Variants in GBP1 observed in about 807,000 individuals in gnomAD.
The protein encoded by GBP1 is guanylate binding protein 1, also known as guanylate-binding protein 1.
GBP1 carries 64 observed loss-of-function variants against 69.5 expected under a neutral mutation model. The observed-to-expected ratio is 0.92, with a 90% CI of 0.75 to 1.13. GBP1 has a LOEUF of 1.13. Among genes scored for constraint, GBP1 ranks in the 50% most tolerant of loss-of-function variants. The pLI is 0.00. For missense variants in GBP1, 630 were observed against 704.1 expected (o/e 0.89, Z 1.19); for synonymous variants, 250 against 261.2 (o/e 0.96, Z 0.41).
In GBP1 at chr1:89,060,305, C is replaced by G; in HGVS notation, c.210G>C (p.Thr70=). ...GKKKGFSLGS[T]VQSHTKGIWM... The stretch of plus-strand genomic sequence containing the variant: ...AGATTCCTTTAGTGTGAGACTGCAC[C>G]GTGGAGCCCAGAGAGAAGCCTGCAA... Residue 70 remains threonine (T), a synonymous_variant, in exon 3 of 11, where the codon ACG becomes ACC. Coordinates refer to ENST00000370473, the MANE Select transcript of GBP1 (RefSeq NM_002053.3). 1.3e-6 allele frequency: 2 copies of G among 1,595,974 alleles called. No homozygotes were observed. The highest frequency in any genetic ancestry group is 1.1e-5 in the South Asian group (1 of 88,202).
chr1:89,060,138 G>A (rs766138197), intron 3 of GBP1, 59 bp downstream of exon 3: 70 of 1,484,726 alleles, frequency 4.7e-5, no homozygotes, highest in South Asian at 2.5e-4. Flanking sequence ...ACAATTAACC[G>A]CTGCATAAAA....
chr1:89,062,889 C>T (rs1484461883), intron 2 of GBP1, 156 bp downstream of exon 2: 1 of 846,496 alleles, frequency 1.2e-6, no homozygotes, highest in Non-Finnish European at 1.8e-6. Flanking sequence ...GATTCTTATC[C>T]CCTAGAACAG....
At chr1:89,056,787 GT>G in intron 7 of GBP1, 66 bp downstream of exon 7, 4 of 1,510,354 alleles carry the variant, frequency 2.6e-6, no homozygotes, top group Non-Finnish European at 3.6e-6. Flanking sequence ...ATAAATAATA[GT>G]TTTCTTTCCT....
rs536894694 is a variant in GBP1 at position 89,053,288 on chromosome 1, G to A, written c.*67C>T. ...TCTAATTATTATCAAATGTAGTGAC[G>A]CTTGTTCCAAATTCTAAAATTGTTT... On this transcript the variant is annotated 3_prime_UTR_variant, in exon 11 of 11. Coordinates refer to ENST00000370473, the MANE Select transcript of GBP1 (RefSeq NM_002053.3). 2.5e-5 allele frequency: 31 copies of A among 1,227,360 alleles called. No homozygotes were observed. The highest frequency in any genetic ancestry group is 3.3e-5 in the Non-Finnish European group (28 of 859,418). The allele number at this position is 1,227,360 out of a possible 1,614,324, so 76.0% of individuals were successfully genotyped here. A position where few individuals can be genotyped will look rare whatever the true frequency, so the allele number is the denominator to read the frequency against.
At chr1:89,056,800 G>A in intron 7 of GBP1, 54 bp downstream of exon 7, 2 of 1,543,234 alleles carry the variant, frequency 1.3e-6, no homozygotes, top group East Asian at 2.3e-5. Context: ...TTCTTTCCTT[G>A]TGGTACTTTA....
chr1:89,058,007 G>A lies in GBP1; in HGVS notation c.859C>T (p.Gln287Ter). The A allele has an allele frequency of 1.2e-6, 2 of 1,612,564 alleles. No homozygotes were observed. The highest frequency in any genetic ancestry group is 1.7e-6 in the Non-Finnish European group (2 of 1,179,482). The change falls in exon 6 of 11, where the codon CAG becomes TAG. Residue 287 changes from glutamine (Q) to a stop codon, truncating the protein, a stop_gained. Transcript: ENST00000370473. LOFTEE classifies it high-confidence loss of function. ...SKTKTLSGGIQVNGPRLESLV... is the reference protein window; with the variant it reads ...SKTKTLSGGI ...GGGGACTTACGAGGCCCGTTGACCT[G>A]GATGCCTCCTGAAAGAGTTTTAGTT... is the stretch of plus-strand genomic sequence containing the variant.
intron 2 of GBP1, among the ~76,000 whole-genome samples, chr1:89,061,927 G>A (rs1374746925): frequency 1.3e-5 from 2 of 151,698 alleles, no homozygotes; most frequent in African/African-American, 2.4e-5. Context: ...TAGTCATTAC[G>A]GAAATCAAAA....
At position 89,057,191 on chromosome 1, in the gene GBP1, T is replaced by C; in HGVS notation, c.875-57A>G. 3 of 1,601,860 alleles carry C rather than the reference T, an allele frequency of 1.9e-6. No individual in the cohort carries two copies. In the South Asian group the frequency reaches 3.3e-5, roughly 18 times the overall value. On this transcript the variant is annotated intron_variant, in intron 6 of 10. Coordinates refer to ENST00000370473, the MANE Select transcript of GBP1 (RefSeq NM_002053.3). ...GGTGGTAAAGAAAGTCTCTATTCCATGTAATTCTGAGCATGTCAAATACCA... is the reference window on the plus strand; with the variant it reads ...GGTGGTAAAGAAAGTCTCTATTCCACGTAATTCTGAGCATGTCAAATACCA...
Position 89,056,159 on chromosome 1 carries a change from C to G in GBP1, c.1225G>C (p.Ala409Pro). The change falls in exon 8 of 11, where the codon GCT becomes CCT. Residue 409 changes from alanine to proline, a missense_variant. This residue lies in a region of GBP1 where 367 missense variants were observed against 369.5 expected (regional missense o/e 0.99). Transcript: ENST00000370473. ...GGACTGAAAATGACCTGAAGTAAAG[C>G]TGAGCAACGATCTGATGATGCTTCC... ...NQEASSDRCSALLQVIFSPLE... is the reference protein window; with the variant it reads ...NQEASSDRCSPLLQVIFSPLE... 2 of 1,613,966 alleles carry G rather than the reference C, an allele frequency of 1.2e-6. No homozygotes were observed. The highest frequency in any genetic ancestry group is 1.7e-6 in the Non-Finnish European group (2 of 1,179,858).
chr1:89,058,262 A>T (rs918434324), intron 5 of GBP1, 28 bp from the exon 6 acceptor site: 1 of 1,542,498 alleles, frequency 6.5e-7, no homozygotes, highest in Non-Finnish European at 8.7e-7. Flanking sequence ...AAATTATAAA[A>T]TTGCCTAATA....
chr1:89,058,073 G>T lies in GBP1; in HGVS notation c.793C>A (p.Gln265Lys), dbSNP rs148526074. 36,236 of 1,614,126 alleles carry T rather than the reference G, an allele frequency of 0.022. 474 individuals are homozygous for T. Among genetic ancestry groups the T allele is most frequent in the Non-Finnish European group, 0.027 (31,540 of 1,179,992 alleles). ...ATGTAGGAACAGAAGTCTGCTACTT[G>T]TTGCACAAATTCGGGGTCCAGCTCT... is the stretch of plus-strand genomic sequence containing the variant. The part of the protein sequence containing the change: ...DEELDPEFVQ[Q>K]VADFCSYIFS... Residue 265 changes from glutamine to lysine, a missense_variant, in exon 6 of 11, where the codon CAA (glutamine) becomes AAA (lysine). Physicochemically the swap from Gln to Lys is moderately conservative, Grantham distance 53. Coordinates refer to ENST00000370473, the MANE Select transcript of GBP1 (RefSeq NM_002053.3).
intron 4 of GBP1, 113 bp downstream of exon 4, chr1:89,059,204 T>G: frequency 6.2e-7 from 1 of 1,606,428 alleles, no homozygotes; most frequent in Non-Finnish European, 8.5e-7. Context: ...CTTGCATTAT[T>G]TTTTGTTTTC....
rs150201512 is a variant in GBP1 at position 89,059,397 on chromosome 1, G to A, written c.348C>T (p.Phe116=). ...KGDNQNDSWI[F]ALAVLLSSTF... The stretch of plus-strand genomic sequence containing the variant: ...TGCTGCTCAGGAGGACGGCCAGGGC[G>A]AAGATCCAGGAGTCATTCTGGTTGT... Residue 116 remains phenylalanine (F), a synonymous_variant, in exon 4 of 11, where the codon TTC becomes TTT. Coordinates refer to ENST00000370473, the MANE Select transcript of GBP1 (RefSeq NM_002053.3). The A allele has an allele frequency of 3.3e-3, 5,375 of 1,614,100 alleles. 15 individuals carry two copies. Among genetic ancestry groups the A allele is most frequent in the Non-Finnish European group, 4.1e-3 (4,838 of 1,180,008 alleles).
chr1:89,057,116 A>G lies in GBP1; in HGVS notation c.893T>C (p.Leu298Pro). 1 of 1,614,284 alleles carries G rather than the reference A, an allele frequency of 6.2e-7. No individual in the cohort carries two copies. The highest frequency in any genetic ancestry group is 8.5e-7 in the Non-Finnish European group (1 of 1,180,044). ...ACTGCTGATGGCATTGACGTAGGTC[A>G]GCACCAGGCTCTCTAGACCTGCATA... Reference protein sequence around the residue: ...VNGPRLESLVLTYVNAISSGD... With the variant: ...VNGPRLESLVPTYVNAISSGD... The change falls in exon 7 of 11, where the codon CTG becomes CCG. Residue 298 changes from leucine (L) to proline (P), a missense_variant. Leu to Pro is a moderately conservative substitution (Grantham distance 98, BLOSUM62 -3). This residue lies in a region of GBP1 where 367 missense variants were observed against 369.5 expected (regional missense o/e 0.99). Coordinates refer to ENST00000370473, the MANE Select transcript of GBP1 (RefSeq NM_002053.3).
chr1:89,057,857 A>G (rs1309496336), intron 6 of GBP1, 135 bp downstream of exon 6: 2 of 1,013,974 alleles, frequency 2.0e-6, no homozygotes, highest in Non-Finnish European at 2.9e-6. Context: ...TATATGTTAG[A>G]AACATTGGTG....
rs1679951119 is a variant in GBP1, at chr1:89,052,881, T to C, written c.*474A>G. 6.5e-6 allele frequency: 1 copy of C among 152,838 alleles called. No individual in the cohort carries two copies. The highest frequency in any genetic ancestry group is 2.4e-5 in the African/African-American group (1 of 41,476). 9.5% of individuals were successfully genotyped at this position (152,838 alleles called of 1,614,324 possible). The stretch of plus-strand genomic sequence containing the variant: ...AGCTTGAAATCATCAGTGAGGATTA[T>C]ACATGGGCAATGTCCAGAAATCACA... On this transcript the variant is annotated 3_prime_UTR_variant, in exon 11 of 11. Coordinates refer to ENST00000370473, the MANE Select transcript of GBP1 (RefSeq NM_002053.3).
chr1:89,063,875 C>A (rs936799671), intron 1 of GBP1, among the ~76,000 whole-genome samples: 1 of 152,066 alleles, frequency 6.6e-6, no homozygotes, highest in South Asian at 2.1e-4. Flanking sequence ...GGCTAGGGAA[C>A]CTTCCAAGGG....
At chr1:89,059,099 A>T in intron 4 of GBP1, 56 bp from the exon 5 acceptor site, 2 of 1,609,184 alleles carry the variant, frequency 1.2e-6, no homozygotes, top group Non-Finnish European at 1.7e-6. Context: ...ATCCCATGTT[A>T]GTTCAACACA....
At chr1:89,056,625 C>T (rs763819688) in intron 7 of GBP1, among the ~76,000 whole-genome samples, 5 of 152,110 alleles carry the variant, frequency 3.3e-5, no homozygotes, top group Non-Finnish European at 7.4e-5. Flanking sequence ...CTCTGGTTGT[C>T]AGTTGTATGC....
Sources: allele counts gnomAD v4.1 joint callset (sites outside exome capture counted in the v4.1 genomes callset), GRCh38; gene constraint gnomAD v4.1.1; regional missense constraint gnomAD v4.1.1; transcripts MANE v1.5; gene names NCBI Gene and HGNC (gene_info 2026-07-23, HGNC 2026-07-21).